ZNF608: variants seen among roughly 807,000 people sequenced by gnomAD.
The protein encoded by ZNF608 is renal carcinoma antigen NY-REN-36.
A neutral mutation model predicts 109.0 loss-of-function variants in ZNF608; 12 were observed. The ratio of observed to expected loss-of-function variants is 0.11; its 90% confidence interval spans 0.07 to 0.18. The LOEUF is 0.18. Among genes scored for constraint, ZNF608 ranks in the 10% least tolerant of loss-of-function variants. ZNF608 has a pLI of 1.00. For missense variants in ZNF608, 1,707 were observed against 1,879.3 expected (o/e 0.91, Z 1.70); for synonymous variants, 732 against 717.4 (o/e 1.02, Z -0.33).
At chr5:124,725,661 G>C (rs1429590221) in intron 2 of ZNF608, among the ~76,000 whole-genome samples, 2 of 152,064 alleles carry the variant, frequency 1.3e-5, no homozygotes, top group Non-Finnish European at 2.9e-5. Context: ...CCTGCACAGT[G>C]ATAAAATGAA....
At chr5:124,707,416 C>T (rs756775196) in intron 2 of ZNF608, among the ~76,000 whole-genome samples, 4 of 152,180 alleles carry the variant, frequency 2.6e-5, no homozygotes, top group South Asian at 4.1e-4. Context: ...AGCTTTCTCA[C>T]GTCTATTGCC....
At chr5:124,667,952 C>G (rs1751548061) in intron 3 of ZNF608, among the ~76,000 whole-genome samples, 1 of 152,076 alleles carries the variant, frequency 6.6e-6, no homozygotes, top group Non-Finnish European at 1.5e-5. Context: ...GGCTTTGCCC[C>G]TTGCTCTAGT....
At chr5:124,718,776 G>A (rs1477351069) in intron 2 of ZNF608, among the ~76,000 whole-genome samples, 1 of 152,104 alleles carries the variant, frequency 6.6e-6, no homozygotes, top group East Asian at 1.9e-4. Context: ...TTTTTCACTA[G>A]CATATGGGAA....
chr5:124,647,888 C>T lies in ZNF608; in HGVS notation c.2496G>A (p.Met832Ile). Residue 832 changes from methionine (M) to isoleucine (I), a missense_variant, in exon 5 of 10, where the codon ATG (methionine) becomes ATA (isoleucine). Coordinates refer to ENST00000513986, the MANE Select transcript of ZNF608 (RefSeq NM_020747.3). ...CCTCTAGTTTCCCCAGCTTGGCATCCATTTTTGGGCTTCCCGTCTCTTTCC... is the reference window on the plus strand; with the variant it reads ...CCTCTAGTTTCCCCAGCTTGGCATCTATTTTTGGGCTTCCCGTCTCTTTCC... The part of the protein sequence containing the change: ...KEGKETGSPK[M>I]DAKLGKLEDS... 1 of 1,614,190 alleles carries T rather than the reference C, an allele frequency of 6.2e-7. No homozygotes were observed. The highest frequency in any genetic ancestry group is 8.5e-7 in the Non-Finnish European group (1 of 1,180,022).
At chr5:124,677,416 T>C (rs1190065615) in intron 3 of ZNF608, among the ~76,000 whole-genome samples, 1 of 152,214 alleles carries the variant, frequency 6.6e-6, no homozygotes, top group African/African-American at 2.4e-5. Flanking sequence ...GTCTATGGTG[T>C]CCTGATCTGT....
chr5:124,715,374 A>G (rs1048421683), intron 2 of ZNF608, among the ~76,000 whole-genome samples: 1 of 152,226 alleles, frequency 6.6e-6, no homozygotes, highest in African/African-American at 2.4e-5. Flanking sequence ...TTATTTTTAC[A>G]AATGTGTCTA....
At chr5:124,642,935 G>A (rs557348516) in intron 7 of ZNF608, among the ~76,000 whole-genome samples, 11 of 152,094 alleles carry the variant, frequency 7.2e-5, no homozygotes, top group African/African-American at 2.4e-4. Context: ...GACCTCAGGT[G>A]ATCTGCCCGC....
intron 3 of ZNF608, among the ~76,000 whole-genome samples, chr5:124,686,578 G>C (rs1268636915): frequency 6.6e-6 from 1 of 152,192 alleles, no homozygotes; most frequent in African/African-American, 2.4e-5. Flanking sequence ...GCACTGTCTG[G>C]AACTGGCTGG....
chr5:124,706,196 T>C (rs1384524748), intron 2 of ZNF608, among the ~76,000 whole-genome samples: 2 of 152,224 alleles, frequency 1.3e-5, no homozygotes, highest in African/African-American at 4.8e-5. Flanking sequence ...CCAGCTCTAC[T>C]GTTAGCTACA....
chr5:124,644,984 G>T (rs945645529), intron 5 of ZNF608, among the ~76,000 whole-genome samples: 6 of 152,142 alleles, frequency 3.9e-5, no homozygotes, highest in Non-Finnish European at 1.5e-5. Flanking sequence ...TCAGAGCTGG[G>T]CCCTTAATGT....
chr5:124,745,225 T>TA (rs1749596642), intron 1 of ZNF608, 53 bp from the exon 2 acceptor site: 4 of 1,363,934 alleles, frequency 2.9e-6, no homozygotes, highest in Non-Finnish European at 3.8e-6. Context: ...GTTACCAGAA[T>TA]AAAAAACGAT....
At chr5:124,667,939 A>T (rs554732854) in intron 3 of ZNF608, among the ~76,000 whole-genome samples, 28 of 152,186 alleles carry the variant, frequency 1.8e-4, no homozygotes, top group Non-Finnish European at 3.1e-4. Context: ...CCCTCAACTC[A>T]AGGGCTTTGC....
chr5:124,677,336 G>GT (rs1561553412), intron 3 of ZNF608, among the ~76,000 whole-genome samples: 1 of 152,108 alleles, frequency 6.6e-6, no homozygotes, highest in Non-Finnish European at 1.5e-5. Context: ...AATGAAAACA[G>GT]TTTTTCCCTG....
chr5:124,737,804 C>T (rs937447181), intron 2 of ZNF608, among the ~76,000 whole-genome samples: 1 of 152,178 alleles, frequency 6.6e-6, no homozygotes, highest in African/African-American at 2.4e-5. Context: ...TTACAAACAG[C>T]CCAACTGCTG....
upstream of ZNF608, chr5:124,746,666 A>AAATT: frequency 1.0e-6 from 1 of 985,388 alleles, no homozygotes; most frequent in Non-Finnish European, 1.2e-6. Context: ...ACATCGGGAT[A>AAATT]AATTAGTGAA....
intron 3 of ZNF608, among the ~76,000 whole-genome samples, chr5:124,691,202 G>C (rs985178286): frequency 6.6e-6 from 1 of 151,964 alleles, no homozygotes; most frequent in African/African-American, 2.4e-5. Context: ...TTGAGCCCAG[G>C]AGTTTGAGGC....
rs138434882 is a variant in ZNF608 at position 124,653,202 on chromosome 5, G to T, written c.1163-3505C>A. The stretch of plus-strand genomic sequence containing the variant: ...CACACACAGCTTTCTTCTTTGTACT[G>T]TTAACACTTTGTCTAAGATGCTGCC... On this transcript the variant is annotated intron_variant, in intron 3 of 9. Transcript: ENST00000513986. Among the ~76,000 whole-genome samples, 447 of 152,298 alleles carry T rather than the reference G, an allele frequency of 2.9e-3. 3 individuals carry two copies. Among genetic ancestry groups the T allele is most frequent in the African/African-American group, 0.01 (429 of 41,566 alleles).
At chr5:124,643,868 C>T (rs1323183161) in intron 6 of ZNF608, among the ~76,000 whole-genome samples, 185 bp from the exon 7 acceptor site, 1 of 152,180 alleles carries the variant, frequency 6.6e-6, no homozygotes, top group Non-Finnish European at 1.5e-5. Flanking sequence ...GTTAATTCAT[C>T]CTGATGAAGG....
At chr5:124,666,144 C>T (rs945984134) in intron 3 of ZNF608, 17 of 152,154 alleles carry the variant, frequency 1.1e-4, no homozygotes, top group South Asian at 8.3e-4. Flanking sequence ...ATTCACTGAA[C>T]GTAAATCTTA....
Sources: allele counts gnomAD v4.1 joint callset (sites outside exome capture counted in the v4.1 genomes callset), GRCh38; gene constraint gnomAD v4.1.1; transcripts MANE v1.5; gene names NCBI Gene and HGNC (gene_info 2026-07-23, HGNC 2026-07-21).